Variants in ZDHHC2 observed in about 807,000 individuals in gnomAD.
ZDHHC2 encodes the protein zDHHC palmitoyltransferase 2.
In ZDHHC2, 51 loss-of-function variants were observed where a neutral mutation model predicts 55.6. That is an observed-to-expected ratio of 0.92 (90% CI 0.73 to 1.16). The LOEUF is 1.16. Ranked by LOEUF, ZDHHC2 falls within the 50% of genes most tolerant of loss-of-function variation. The pLI is 0.00. For synonymous variants in ZDHHC2, 199 were observed against 152.9 expected (o/e 1.30, Z -2.22); for missense variants, 491 against 442.4 (o/e 1.11, Z -0.99).
intron 12 of ZDHHC2, among the ~76,000 whole-genome samples, chr8:17,219,515 C>T (rs1049274999): frequency 6.6e-6 from 1 of 151,842 alleles, no homozygotes; most frequent in Admixed American, 6.6e-5. Context: ...TCAGCACTTG[C>T]GGAGGCCAAG....
intron 6 of ZDHHC2, among the ~76,000 whole-genome samples, chr8:17,198,614 G>A (rs1241014321): frequency 1.2e-4 from 19 of 152,186 alleles, no homozygotes; most frequent in Admixed American, 1.2e-3. Flanking sequence ...TTTAAAACCA[G>A]TAGGTTAACA....
intron 1 of ZDHHC2, among the ~76,000 whole-genome samples, chr8:17,158,342 G>A (rs1009513854): frequency 3.3e-5 from 5 of 152,124 alleles, no homozygotes; most frequent in Non-Finnish European, 7.4e-5. Context: ...GACCAGTATC[G>A]ATTAATATAA....
At chr8:17,214,166 A>G (rs961007414) in intron 10 of ZDHHC2, among the ~76,000 whole-genome samples, 3 of 152,166 alleles carry the variant, frequency 2.0e-5, no homozygotes, top group African/African-American at 4.8e-5. Flanking sequence ...CTATGCCAAT[A>G]ATGTTTCCTA....
chr8:17,167,261 A>T (rs926442690), intron 1 of ZDHHC2, among the ~76,000 whole-genome samples: 63 of 150,116 alleles, frequency 4.2e-4, no homozygotes, highest in African/African-American at 1.5e-3. Flanking sequence ...CAGTTTGATC[A>T]TCCAGATGTT....
intron 1 of ZDHHC2, 25 bp from the exon 2 acceptor site, chr8:17,184,764 C>T: frequency 6.5e-7 from 1 of 1,547,258 alleles, no homozygotes; most frequent in East Asian, 2.4e-5. Flanking sequence ...TTCATGTAAC[C>T]TATTACCTTT....
At chr8:17,168,650 T>C (rs958947278) in intron 1 of ZDHHC2, among the ~76,000 whole-genome samples, 1 of 152,158 alleles carries the variant, frequency 6.6e-6, no homozygotes, top group East Asian at 1.9e-4. Context: ...CTAACCCTCA[T>C]TCTTCCCTCC....
chr8:17,167,757 T>A (rs1365126490), intron 1 of ZDHHC2, among the ~76,000 whole-genome samples: 1 of 152,164 alleles, frequency 6.6e-6, no homozygotes, highest in Non-Finnish European at 1.5e-5. Flanking sequence ...ATAGAGTAAG[T>A]AATATCCTCA....
chr8:17,200,494 A>G (rs1353132479), intron 6 of ZDHHC2, among the ~76,000 whole-genome samples: 1 of 152,216 alleles, frequency 6.6e-6, no homozygotes, highest in African/African-American at 2.4e-5. Context: ...TCATAGGCAT[A>G]GTGTTGATTT....
intron 4 of ZDHHC2, among the ~76,000 whole-genome samples, chr8:17,196,952 C>G (rs534223286): frequency 1.3e-5 from 2 of 151,308 alleles, no homozygotes; most frequent in South Asian, 2.1e-4. Context: ...ATATTTGTTT[C>G]TGACTCACTT....
At chr8:17,184,691 G>A (rs1585679572) in intron 1 of ZDHHC2, 98 bp from the exon 2 acceptor site, 2 of 972,940 alleles carry the variant, frequency 2.1e-6, no homozygotes. Context: ...GGTTTGAAGG[G>A]AAGCCACATT....
intron 1 of ZDHHC2, among the ~76,000 whole-genome samples, chr8:17,176,120 A>G (rs1805116427): frequency 6.6e-6 from 1 of 152,172 alleles, no homozygotes; most frequent in Non-Finnish European, 1.5e-5. Flanking sequence ...GTGAGATGAT[A>G]TCACTGAATT....
chr8:17,212,052 CT>C (rs1807414084), intron 10 of ZDHHC2, among the ~76,000 whole-genome samples: 1 of 152,032 alleles, frequency 6.6e-6, no homozygotes, highest in Admixed American at 6.6e-5. Flanking sequence ...TGGGAGAAAT[CT>C]TAGTTCTGAC....
chr8:17,197,549 ACT>A (rs1174554002), intron 4 of ZDHHC2, 31 bp from the exon 5 acceptor site: 1 of 1,578,602 alleles, frequency 6.3e-7, no homozygotes, highest in Admixed American at 1.8e-5. Flanking sequence ...TTCAGTGTTA[ACT>A]CTAAGACTAA....
At chr8:17,210,549 ATGTTCCTTTG>A in intron 10 of ZDHHC2, 69 bp downstream of exon 10, 1 of 1,329,736 alleles carries the variant, frequency 7.5e-7, no homozygotes. Context: ...TTTTGGTTAT[ATGTTCCTTTG>A]AAAAAAAATG....
At position 17,195,604 on chromosome 8, in the gene ZDHHC2, A is replaced by C. The variant is rs1407174569; in HGVS notation, c.353A>C (p.Tyr118Ser). ...CGAGCAGCCAAGGATCTTCCCATCT[A>C]TACCAGGACCATGTCTGGAGGTAAA... ...LRRAAKDLPI[Y>S]TRTMSGAIRY... is the part of the protein sequence containing the mutation. Residue 118 changes from tyrosine (Y) to serine (S), a missense_variant, in exon 4 of 13, where the codon TAT becomes TCT. By Grantham distance (144) the Tyr-to-Ser change is moderately radical. Coordinates refer to ENST00000262096, the MANE Select transcript of ZDHHC2 (RefSeq NM_016353.5). 1.2e-6 allele frequency: 2 copies of C among 1,613,810 alleles called. No individual in the cohort carries two copies. The highest frequency in any genetic ancestry group is 2.2e-5 in the East Asian group (1 of 44,886).
At chr8:17,171,570 A>C (rs569687435) in intron 1 of ZDHHC2, among the ~76,000 whole-genome samples, 2 of 152,136 alleles carry the variant, frequency 1.3e-5, no homozygotes, top group East Asian at 3.9e-4. Flanking sequence ...TTAAATACAA[A>C]CATTCCGTGA....
At chr8:17,214,543 CT>C (rs2150949088) in intron 10 of ZDHHC2, among the ~76,000 whole-genome samples, 1 of 152,214 alleles carries the variant, frequency 6.6e-6, no homozygotes, top group South Asian at 2.1e-4. Flanking sequence ...GGCACTTATG[CT>C]TTTTTTAAAC....
At chr8:17,184,230 C>T (rs759664969) in intron 1 of ZDHHC2, among the ~76,000 whole-genome samples, 2 of 152,204 alleles carry the variant, frequency 1.3e-5, no homozygotes, top group Non-Finnish European at 2.9e-5. Context: ...ATATTTACAA[C>T]AGCCGCTGAG....
chr8:17,198,426 T>G lies in ZDHHC2; in HGVS notation c.476+13T>G. On this transcript the variant is annotated intron_variant, in intron 6 of 12. Coordinates refer to ENST00000262096, the MANE Select transcript of ZDHHC2 (RefSeq NM_016353.5). ...ATCATTGTCCATGGTGAGTTGGCTGTATATTTAAACAAGTTTGTGTCCCTT... is the reference window on the plus strand; with the variant it reads ...ATCATTGTCCATGGTGAGTTGGCTGGATATTTAAACAAGTTTGTGTCCCTT... 6.3e-7 allele frequency: 1 copy of G among 1,595,788 alleles called. No homozygotes were observed. Among genetic ancestry groups the G allele is most frequent in the Non-Finnish European group, 8.5e-7 (1 of 1,171,954 alleles).
Sources: gnomAD v4.1 joint callset for allele counts (sites outside exome capture counted in the v4.1 genomes callset) on GRCh38, gnomAD v4.1.1 for gene constraint, MANE v1.5 for transcripts, NCBI Gene and HGNC (gene_info 2026-07-23, HGNC 2026-07-21) for gene names.